Variants in LINGO1 observed in about 807,000 individuals in gnomAD.
LINGO1 encodes leucine rich repeat and Ig domain containing 1, also known as leucine-rich repeat and immunoglobulin-like domain-containing nogo receptor-interacting protein 1.
LINGO1 carries 11 observed loss-of-function variants against 37.3 expected under a neutral mutation model. The observed-to-expected ratio is 0.29, with a 90% CI of 0.19 to 0.49. The LOEUF is 0.49. Among genes scored for constraint, LINGO1 ranks in the 20% least tolerant of loss-of-function variants. LINGO1 has a pLI of 0.99. For synonymous variants in LINGO1, 387 were observed against 403.0 expected (o/e 0.96, Z 0.48); for missense variants, 585 against 878.2 (o/e 0.67, Z 4.22).
chr15:77,643,147 G>A (rs921290992), intron 3 of LINGO1, among the ~76,000 whole-genome samples: 5 of 152,246 alleles, frequency 3.3e-5, no homozygotes, highest in East Asian at 3.8e-4. Context: ...TCTGTCACCC[G>A]CTTATCAGGG....
chr15:77,816,015 C>T (rs1312246464), intron 1 of LINGO1, among the ~76,000 whole-genome samples: 2 of 152,192 alleles, frequency 1.3e-5, no homozygotes. Context: ...CTCACGTTCG[C>T]ATTCTCCATT....
intron 1 of LINGO1, among the ~76,000 whole-genome samples, chr15:77,751,547 G>A (rs1402339663): frequency 6.6e-6 from 1 of 152,154 alleles, no homozygotes; most frequent in Non-Finnish European, 1.5e-5. Context: ...CAGAGAAAGA[G>A]CACCTCCAGC....
At chr15:77,741,541 C>T (rs114753332) in intron 1 of LINGO1, among the ~76,000 whole-genome samples, 1,933 of 152,314 alleles carry the variant, frequency 0.013, 52 homozygotes, top group African/African-American at 0.045. Context: ...CAAGAGCAGC[C>T]CTGGAAACAG....
chr15:77,737,739 T>C lies in LINGO1; in HGVS notation c.-256-2686A>G, dbSNP rs561939844. Among the ~76,000 whole-genome samples, 4 of 152,228 alleles carry C rather than the reference T, an allele frequency of 2.6e-5. No homozygotes were observed. In the East Asian group the frequency reaches 7.7e-4, roughly 29 times the overall value. The stretch of plus-strand genomic sequence containing the variant: ...GCAGCATCTGACATGGCTGATTGCT[T>C]TCTCCATCAGGTGACATTTTATCTC... On this transcript the variant is annotated intron_variant, in intron 1 of 3. Transcript: ENST00000561686.
intron 3 of LINGO1, among the ~76,000 whole-genome samples, chr15:77,661,277 G>A (rs991443539): frequency 1.3e-5 from 2 of 152,162 alleles, no homozygotes; most frequent in Admixed American, 6.5e-5. Flanking sequence ...AATTAAAGCA[G>A]GAGGGACTGT....
intron 1 of LINGO1, among the ~76,000 whole-genome samples, chr15:77,780,766 C>T (rs2141424989): frequency 6.6e-6 from 1 of 152,124 alleles, no homozygotes; most frequent in Non-Finnish European, 1.5e-5. Context: ...ATAACACTTG[C>T]TCTCCTCCCC....
intron 1 of LINGO1, among the ~76,000 whole-genome samples, chr15:77,769,385 C>T (rs1315657107): frequency 6.6e-6 from 1 of 152,214 alleles, no homozygotes; most frequent in East Asian, 1.9e-4. Context: ...GCCAAGGTCC[C>T]CCCCCAGCCT....
chr15:77,684,198 G>T (rs2075464501), intron 2 of LINGO1, among the ~76,000 whole-genome samples: 1 of 152,186 alleles, frequency 6.6e-6, no homozygotes, highest in African/African-American at 2.4e-5. Flanking sequence ...TAACAGTGGT[G>T]ACAGTCGACA....
At chr15:77,660,749 T>C (rs571954567) in intron 3 of LINGO1, among the ~76,000 whole-genome samples, 10 of 149,182 alleles carry the variant, frequency 6.7e-5, no homozygotes, top group East Asian at 4.1e-4. Flanking sequence ...GGAGGGTGAG[T>C]AGCCTTCAAG....
At chr15:77,668,616 C>T (rs184886083) in intron 3 of LINGO1, among the ~76,000 whole-genome samples, 6 of 152,164 alleles carry the variant, frequency 3.9e-5, no homozygotes, top group East Asian at 3.9e-4. Context: ...ACGACGCATG[C>T]GCAGGAATAC....
chr15:77,725,516 T>TCA (rs1454560659), intron 2 of LINGO1, among the ~76,000 whole-genome samples: 1 of 152,134 alleles, frequency 6.6e-6, no homozygotes, highest in Non-Finnish European at 1.5e-5. Flanking sequence ...TGAGCTATGA[T>TCA]CACACCACTG....
chr15:77,808,227 C>T (rs2076976058), intron 1 of LINGO1, among the ~76,000 whole-genome samples: 1 of 152,212 alleles, frequency 6.6e-6, no homozygotes, highest in Non-Finnish European at 1.5e-5. Flanking sequence ...GAGGCCTGCA[C>T]AGCCCGGGCC....
intron 1 of LINGO1, among the ~76,000 whole-genome samples, chr15:77,815,835 G>A (rs878857919): frequency 6.6e-6 from 1 of 152,084 alleles, no homozygotes; most frequent in Non-Finnish European, 1.5e-5. Context: ...CCTGAATTCA[G>A]AATCAGCCCA....
chr15:77,629,275 G>T (rs1245780984), intron 1 of LINGO1, among the ~76,000 whole-genome samples: 1 of 151,072 alleles, frequency 6.6e-6, no homozygotes, highest in East Asian at 1.9e-4. Flanking sequence ...AGCACCCAGG[G>T]ATATTCATTC....
intron 3 of LINGO1, among the ~76,000 whole-genome samples, chr15:77,654,368 G>T (rs1363845922): frequency 6.6e-6 from 1 of 152,174 alleles, no homozygotes; most frequent in Non-Finnish European, 1.5e-5. Context: ...AAATTTGCTG[G>T]GGGGAACCAG....
exon 3 of LINGO1, chr15:77,677,106 G>A (rs1224628289): frequency 6.6e-6 from 1 of 152,466 alleles, no homozygotes; most frequent in African/African-American, 2.4e-5. Flanking sequence ...AGATGGCGTT[G>A]GGAGGCAAAC....
At chr15:77,707,682 C>T (rs902660432) in intron 2 of LINGO1, among the ~76,000 whole-genome samples, 2 of 152,218 alleles carry the variant, frequency 1.3e-5, no homozygotes, top group African/African-American at 4.8e-5. Context: ...CAGAGTCCCA[C>T]CCAGCTGTGA....
At chr15:77,650,854 G>A (rs766095296) in intron 3 of LINGO1, among the ~76,000 whole-genome samples, 1 of 152,108 alleles carries the variant, frequency 6.6e-6, no homozygotes, top group Non-Finnish European at 1.5e-5. Context: ...ATGGGAAAGA[G>A]AGGGTGGGAG....
upstream of LINGO1, among the ~76,000 whole-genome samples, chr15:77,639,167 T>TA (rs1313703742): frequency 6.6e-6 from 1 of 152,080 alleles, no homozygotes; most frequent in Non-Finnish European, 1.5e-5. Flanking sequence ...CTCCGGCTGA[T>TA]GTCTAGATGG....
Sources: gnomAD v4.1 joint callset for allele counts (sites outside exome capture counted in the v4.1 genomes callset) on GRCh38, gnomAD v4.1.1 for gene constraint, MANE v1.5 for transcripts, NCBI Gene and HGNC (gene_info 2026-07-23, HGNC 2026-07-21) for gene names.